SLIT3: variants seen among roughly 807,000 people sequenced by gnomAD.
SLIT3 encodes the protein slit guidance ligand 3.
Under a neutral mutation model 184.0 loss-of-function variants are expected in SLIT3, and 68 were observed. The ratio of observed to expected loss-of-function variants is 0.37; its 90% CI spans 0.30 to 0.45. The LOEUF (loss-of-function observed/expected upper bound fraction) is 0.45. Ranked by LOEUF, SLIT3 falls within the 20% of genes least tolerant of loss-of-function variation. The pLI, the probability that SLIT3 is intolerant of heterozygous loss-of-function variation, is 1.00. For missense variants in SLIT3, 1,707 were observed against 2,026.0 expected, an observed-to-expected ratio of 0.84 and a Z score of 3.02; for synonymous variants, 831 against 828.6, an observed-to-expected ratio of 1.00 and a Z score of -0.05.
rs187946378 is a variant in SLIT3, at chr5:168,910,463, G to T, written c.414-27127C>A. On this transcript the variant is annotated intron_variant, in intron 4 of 35. Coordinates refer to ENST00000519560, the MANE Select transcript of SLIT3 (RefSeq NM_003062.4). ...GATGGATTAAACCATCACAATTGCC[G>T]CCGGGCGTGGTGGCTCACGCCTGTA... is the stretch of plus-strand genomic sequence containing the variant. 4.9e-4 allele frequency among the ~76,000 whole-genome samples: 75 copies of T among 152,210 alleles called. 1 individual carries two copies. The highest frequency in any genetic ancestry group is 2.9e-3 in the Admixed American group (44 of 15,282).
intron 33 of SLIT3, 111 bp downstream of exon 33, chr5:168,673,066 T>G: frequency 1.0e-6 from 1 of 1,004,112 alleles, no homozygotes; most frequent in East Asian, 2.4e-5. Flanking sequence ...AGCTTCGTTG[T>G]CCCTTCCTCC....
At chr5:169,179,581 G>C (rs1223395319) in intron 4 of SLIT3, among the ~76,000 whole-genome samples, 1 of 152,104 alleles carries the variant, frequency 6.6e-6, no homozygotes, top group African/African-American at 2.4e-5. Context: ...AGCATAGGCT[G>C]TTTCTTTCTC....
At chr5:168,749,833 C>A (rs1754639260) in intron 18 of SLIT3, among the ~76,000 whole-genome samples, 198 bp from the exon 19 acceptor site, 1 of 152,162 alleles carries the variant, frequency 6.6e-6, no homozygotes, top group South Asian at 2.1e-4. Context: ...TGGTGTCTCG[C>A]CATGCCCTCC....
chr5:168,850,737 A>G (rs1758638228), intron 5 of SLIT3, among the ~76,000 whole-genome samples: 1 of 152,186 alleles, frequency 6.6e-6, no homozygotes, highest in African/African-American at 2.4e-5. Context: ...AACACCTTCT[A>G]TTTCATATAG....
rs911542200 is a variant in SLIT3, at chr5:168,967,662, G to T, written c.414-84326C>A. On this transcript the variant is annotated intron_variant, in intron 4 of 35. Coordinates refer to ENST00000519560, the MANE Select transcript of SLIT3 (RefSeq NM_003062.4). The stretch of plus-strand genomic sequence containing the variant: ...TCACCGTTTTAGCCGGGATGGTCTC[G>T]ATCTCCTGACCTCGTGATCCGCCCG... Among the ~76,000 whole-genome samples, 9 of 139,208 alleles carry T rather than the reference G, an allele frequency of 6.5e-5. 1 individual carries two copies. Among genetic ancestry groups the T allele is most frequent in the Admixed American group, 4.9e-4 (7 of 14,290 alleles). The allele number at this position is 139,208 out of a possible 152,430, so 91.3% of individuals were successfully genotyped here. A position where few individuals can be genotyped will look rare whatever the true frequency, so the allele number is the denominator to read the frequency against.
chr5:168,907,465 G>A (rs1048105685), intron 4 of SLIT3, among the ~76,000 whole-genome samples: 1 of 152,160 alleles, frequency 6.6e-6, no homozygotes, highest in Admixed American at 6.5e-5. Context: ...CAAAGAAAAG[G>A]CCAGGAAGGT....
At chr5:168,881,060 T>C (rs1759931428) in intron 5 of SLIT3, among the ~76,000 whole-genome samples, 2 of 152,214 alleles carry the variant, frequency 1.3e-5, no homozygotes, top group African/African-American at 4.8e-5. Context: ...TTAGGTGTTT[T>C]TGGTTAATTC....
At chr5:169,217,037 T>G (rs1434344878) in intron 3 of SLIT3, among the ~76,000 whole-genome samples, 1 of 150,842 alleles carries the variant, frequency 6.6e-6, no homozygotes, top group Non-Finnish European at 1.5e-5. Context: ...TCAGGTTCAA[T>G]CCACAGCTTG....
chr5:169,061,261 T>C (rs922853269), intron 4 of SLIT3, among the ~76,000 whole-genome samples: 1 of 152,332 alleles, frequency 6.6e-6, no homozygotes, highest in South Asian at 2.1e-4. Context: ...CTTCAGCAGT[T>C]TGGTCCAAGG....
At chr5:168,883,854 C>T (rs111366533) in intron 4 of SLIT3, among the ~76,000 whole-genome samples, 1,818 of 152,226 alleles carry the variant, frequency 0.012, 39 homozygotes, top group African/African-American at 0.041. Context: ...TCAGCTTACT[C>T]GAGAGTCCCA....
chr5:168,854,367 G>A (rs1459351371), intron 5 of SLIT3, among the ~76,000 whole-genome samples: 2 of 149,188 alleles, frequency 1.3e-5, no homozygotes, highest in Admixed American at 1.3e-4. Flanking sequence ...GGTGGGGGGA[G>A]CAGCACACTC....
chr5:169,164,353 A>G (rs1762568054), intron 4 of SLIT3, among the ~76,000 whole-genome samples: 1 of 152,198 alleles, frequency 6.6e-6, no homozygotes, highest in Admixed American at 6.5e-5. Flanking sequence ...TGGGAGTCTC[A>G]GGACCGCAGC....
At chr5:168,979,356 T>C (rs1379570352) in intron 4 of SLIT3, among the ~76,000 whole-genome samples, 1 of 152,098 alleles carries the variant, frequency 6.6e-6, no homozygotes, top group African/African-American at 2.4e-5. Context: ...AAACAAGACA[T>C]AGTGGAAAAG....
chr5:169,125,380 C>T (rs913873166), intron 4 of SLIT3, among the ~76,000 whole-genome samples: 1 of 152,222 alleles, frequency 6.6e-6, no homozygotes, highest in Non-Finnish European at 1.5e-5. Flanking sequence ...TCTTAGCCAC[C>T]TGCATGCCAT....
chr5:169,118,632 A>C (rs1760776524), intron 4 of SLIT3, among the ~76,000 whole-genome samples: 1 of 152,216 alleles, frequency 6.6e-6, no homozygotes, highest in South Asian at 2.1e-4. Context: ...AATTTGTAGG[A>C]TACATAGGTC....
intron 5 of SLIT3, among the ~76,000 whole-genome samples, chr5:168,880,226 T>TC (rs1480868970): frequency 6.6e-6 from 1 of 152,142 alleles, no homozygotes; most frequent in Non-Finnish European, 1.5e-5. Context: ...CCTCCTCCTG[T>TC]CCCCGGTTCC....
intron 4 of SLIT3, among the ~76,000 whole-genome samples, chr5:169,173,925 C>T (rs1187201378): frequency 6.6e-6 from 1 of 152,214 alleles, no homozygotes; most frequent in African/African-American, 2.4e-5. Context: ...TCATCCAAGA[C>T]CCCAGGCCCC....
intron 4 of SLIT3, among the ~76,000 whole-genome samples, chr5:168,934,521 G>T (rs1207773836): frequency 6.6e-6 from 1 of 152,170 alleles, no homozygotes; most frequent in African/African-American, 2.4e-5. Flanking sequence ...TGGATGTCAG[G>T]CTGGTGGAAG....
intron 4 of SLIT3, among the ~76,000 whole-genome samples, chr5:169,015,435 C>A (rs1756326149): frequency 6.6e-6 from 1 of 152,158 alleles, no homozygotes; most frequent in Non-Finnish European, 1.5e-5. Context: ...CAGAGTTGAC[C>A]AATATGCATG....
Sources: allele counts gnomAD v4.1 joint callset (sites outside exome capture counted in the v4.1 genomes callset), GRCh38; gene constraint gnomAD v4.1.1; transcripts MANE v1.5; gene names NCBI Gene and HGNC (gene_info 2026-07-23, HGNC 2026-07-21).